Variants in TYMP observed in about 807,000 individuals in gnomAD.
TYMP encodes the protein thymidine phosphorylase, also known as gliostatin.
Under a neutral mutation model 42.3 loss-of-function variants are expected in TYMP, and 46 were observed. That is an observed-to-expected ratio of 1.09 (90% CI 0.86 to 1.39). The LOEUF (loss-of-function observed/expected upper bound fraction) is 1.39. TYMP is among the 40% of genes most tolerant of loss of function. The pLI is 0.00. For synonymous variants in TYMP, 363 were observed against 308.0 expected, an observed-to-expected ratio of 1.18 and a Z score of -1.87; for missense variants, 837 against 677.6, an observed-to-expected ratio of 1.24 and a Z score of -2.61.
Position 50,525,995 on chromosome 22 carries a change from G to A in TYMP, c.1300+6C>T. On this transcript the variant is annotated splice_donor_region_variant and intron_variant, in intron 9 of 9. Transcript: ENST00000252029. ...GCGGGGCCAGCAGGGCGGGGGCGGC[G>A]CTCACCACGGCGCAGCCTCTGACCC... 1.4e-6 allele frequency: 2 copies of A among 1,415,794 alleles called. No homozygotes were observed. Among genetic ancestry groups the A allele is most frequent in the Non-Finnish European group, 1.8e-6 (2 of 1,090,638 alleles). 87.7% of individuals were successfully genotyped at this position (1,415,794 alleles called of 1,614,324 possible). A position where few individuals can be genotyped will look rare whatever the true frequency, so the allele number is the denominator to read the frequency against.
Position 50,526,228 on chromosome 22 carries a change from G to T in TYMP, c.1159+18C>A, listed in dbSNP as rs753582974. ...GGGATGGCGGAGGCGGAAGGACGGGGACTCCCCCGACGCTCACCATCTGCG... is the reference window on the plus strand; with the variant it reads ...GGGATGGCGGAGGCGGAAGGACGGGTACTCCCCCGACGCTCACCATCTGCG... On this transcript the variant is annotated intron_variant, in intron 8 of 9. Coordinates refer to ENST00000252029, the MANE Select transcript of TYMP (RefSeq NM_001953.5). 390 of 1,520,956 alleles carry T rather than the reference G, an allele frequency of 2.6e-4. No homozygotes were observed. The highest frequency in any genetic ancestry group is 3.2e-4 in the Non-Finnish European group (370 of 1,142,092). The allele number at this position is 1,520,956 out of a possible 1,614,324, so 94.2% of individuals were successfully genotyped here.
At chr22:50,529,880 T>A (rs2069529661) in intron 1 of TYMP, 24 bp downstream of exon 1, 1 of 671,052 alleles carries the variant, frequency 1.5e-6, no homozygotes, top group Non-Finnish European at 2.5e-6. Context: ...CTTCCCCGCC[T>A]CGCGACTTGA....
Position 50,526,156 on chromosome 22 carries a change from G to A in TYMP, c.1160-15C>T, listed in dbSNP as rs778417597. The A allele has an allele frequency of 2.0e-6, 3 of 1,474,858 alleles. No individual in the cohort carries two copies. The highest frequency in any genetic ancestry group is 2.0e-4 in the Middle Eastern group (1 of 5,042). 91.4% of individuals were successfully genotyped at this position (1,474,858 alleles called of 1,614,324 possible). ...CTCCACGGTGCCTGCGGGGAGAGGG[G>A]CTGAGAGGCGCGGGCTCGGGAAGGG... is the stretch of plus-strand genomic sequence containing the variant. On this transcript the variant is annotated splice_polypyrimidine_tract_variant and intron_variant, in intron 8 of 9. Transcript: ENST00000252029.
chr22:50,527,361 G>T, intron 5 of TYMP, 78 bp from the exon 6 acceptor site: 1 of 1,362,790 alleles, frequency 7.3e-7, no homozygotes, highest in Non-Finnish European at 1.0e-6. Flanking sequence ...GCCGACTTTG[G>T]GGTCAGGGGC....
Position 50,528,524 on chromosome 22 carries a change from C to T in TYMP, c.504G>A (p.Gln168=), listed in dbSNP as rs745546119. Reference sequence around the variant, plus strand: ...TGGCGCCCCGTACCTGCTCTGGGCTCTGGATGACATTGAATCCAGGAATAG... The same window carrying T: ...TGGCGCCCCGTACCTGCTCTGGGCTTTGGATGACATTGAATCCAGGAATAG... ...LESIPGFNVI[Q]SPEQMQVLLD... The change falls in exon 4 of 10, where the codon CAG becomes CAA. Residue 168 remains glutamine (Q), a synonymous_variant. Coordinates refer to ENST00000252029, the MANE Select transcript of TYMP (RefSeq NM_001953.5). The T allele has an allele frequency of 6.2e-7, 1 of 1,613,928 alleles. No individual in the cohort carries two copies. The highest frequency in any genetic ancestry group is 1.1e-5 in the South Asian group (1 of 91,074).
intron 6 of TYMP, 31 bp from the exon 7 acceptor site, chr22:50,526,769 C>T: frequency 6.5e-7 from 1 of 1,529,690 alleles, no homozygotes; most frequent in Non-Finnish European, 8.7e-7. Context: ...GTGGACCCCC[C>T]ATGGCGGGGC....
chr22:50,529,876 C>T (rs376220309), intron 1 of TYMP, 28 bp downstream of exon 1: 22 of 677,328 alleles, frequency 3.2e-5, no homozygotes, highest in South Asian at 3.2e-4. Context: ...CCCGCTTCCC[C>T]GCCTCGCGAC....
At chr22:50,526,954 G>A (rs966435614) in intron 6 of TYMP, among the ~76,000 whole-genome samples, 10 of 152,206 alleles carry the variant, frequency 6.6e-5, no homozygotes, top group Non-Finnish European at 1.5e-4. Flanking sequence ...CGCCACAGAG[G>A]GCTTCCCCAG....
chr22:50,529,765 CG>C, intron 1 of TYMP, 46 bp from the exon 2 acceptor site: 1 of 1,535,782 alleles, frequency 6.5e-7, no homozygotes, highest in South Asian at 1.2e-5. Context: ...CTCCCGGCGT[CG>C]GTGTCTGAGC....
chr22:50,526,850 G>A (rs993321377), intron 6 of TYMP, 112 bp from the exon 7 acceptor site: 4 of 1,147,940 alleles, frequency 3.5e-6, no homozygotes, highest in African/African-American at 3.1e-5. Flanking sequence ...CCAGCATGAA[G>A]TCAGGGAAGG....
Position 50,526,158 on chromosome 22 carries a change from T to C in TYMP, c.1160-17A>G, listed in dbSNP as rs1414846697. On this transcript the variant is annotated splice_polypyrimidine_tract_variant and intron_variant, in intron 8 of 9. Coordinates refer to ENST00000252029, the MANE Select transcript of TYMP (RefSeq NM_001953.5). ...CCACGGTGCCTGCGGGGAGAGGGGC[T>C]GAGAGGCGCGGGCTCGGGAAGGGGC... is the stretch of plus-strand genomic sequence containing the variant. 8 of 1,475,626 alleles carry C rather than the reference T, an allele frequency of 5.4e-6. No homozygotes were observed. Among genetic ancestry groups the C allele is most frequent in the South Asian group, 2.6e-5 (2 of 76,972 alleles). The allele number at this position is 1,475,626 out of a possible 1,614,324, so 91.4% of individuals were successfully genotyped here.
In TYMP at chr22:50,527,768, C is replaced by CTT. The variant is rs131803; in HGVS notation, c.517-53_517-52dup. 1.4e-3 allele frequency: 1,731 copies of CTT among 1,225,532 alleles called. 2 individuals are homozygous for CTT. Among genetic ancestry groups the CTT allele is most frequent in the African/African-American group, 2.1e-3 (99 of 47,066 alleles). 75.9% of individuals were successfully genotyped at this position (1,225,532 alleles called of 1,614,324 possible). On this transcript the variant is annotated intron_variant, in intron 4 of 9. Coordinates refer to ENST00000252029, the MANE Select transcript of TYMP (RefSeq NM_001953.5). ...TGACTTATGGTAAATGACTTAGCAGCTTTTTTTTTTTTTTTTTTTTTTTCT... is the reference window on the plus strand; with the variant it reads ...TGACTTATGGTAAATGACTTAGCAGCTTTTTTTTTTTTTTTTTTTTTTTTTCT...
rs1378258435 is a variant in TYMP, at chr22:50,526,076, T to TGCGCCCGGCC, written c.1215_1224dup (p.Ser409GlyfsTer?). 6.7e-7 allele frequency: 1 copy of TGCGCCCGGCC among 1,484,038 alleles called. No individual in the cohort carries two copies. The highest frequency in any genetic ancestry group is 8.9e-7 in the Non-Finnish European group (1 of 1,125,116). The allele number at this position is 1,484,038 out of a possible 1,614,324, so 91.9% of individuals were successfully genotyped here. On this transcript the variant is annotated frameshift_variant, in exon 9 of 10. Transcript: ENST00000252029. LOFTEE classifies it high-confidence loss of function. The stretch of plus-strand genomic sequence containing the variant: ...AGGCGGAGCGGCTCCCCAGCGCGGC[T>TGCGCCCGGCC]GCGCCCGGCCCCGAGCTCGTGCAGC...
chr22:50,529,068 G>C, intron 3 of TYMP, 68 bp downstream of exon 3: 1 of 1,531,822 alleles, frequency 6.5e-7, no homozygotes, highest in Non-Finnish European at 9.0e-7. Context: ...GTTGGGAGCT[G>C]CCTGTGGATG....
rs781031701 is a variant in TYMP at position 50,526,070 on chromosome 22, C to T, written c.1231G>A (p.Ala411Thr). The change falls in exon 9 of 10, where the codon GCT becomes ACT. Residue 411 changes from alanine to threonine, a missense_variant. By Grantham distance (58) the Ala-to-Thr change is moderately conservative (BLOSUM62 0). Coordinates refer to ENST00000252029, the MANE Select transcript of TYMP (RefSeq NM_001953.5). ...ACCCCCAGGCGGAGCGGCTCCCCAG[C>T]GCGGCTGCGCCCGGCCCCGAGCTCG... is the stretch of plus-strand genomic sequence containing the variant. The part of the protein sequence containing the change: ...LHELGAGRSR[A>T]GEPLRLGVGA... 1.3e-6 allele frequency: 2 copies of T among 1,483,920 alleles called. No individual in the cohort carries two copies. The highest frequency in any genetic ancestry group is 2.5e-5 in the South Asian group (2 of 78,702). The allele number at this position is 1,483,920 out of a possible 1,614,324, so 91.9% of individuals were successfully genotyped here. A position where few individuals can be genotyped will look rare whatever the true frequency, so the allele number is the denominator to read the frequency against.
In TYMP at chr22:50,527,624, C is replaced by T; in HGVS notation, c.610G>A (p.Val204Met). 4 of 1,613,940 alleles carry T rather than the reference C, an allele frequency of 2.5e-6. No homozygotes were observed. The highest frequency in any genetic ancestry group is 2.5e-6 in the Non-Finnish European group (3 of 1,180,026). The change falls in exon 5 of 10, where the codon GTG becomes ATG. Residue 204 changes from valine to methionine, a missense_variant. By Grantham distance (21) the Val-to-Met change is conservative. Transcript: ENST00000252029. The stretch of plus-strand genomic sequence containing the variant: ...GGCAGGCTGTCCACGGTGGCTGTCA[C>T]ATCTCTGGCTGCATATAGGATTCCG... ...ADGILYAARD[V>M]TATVDSLPLI...
intron 6 of TYMP, 114 bp from the exon 7 acceptor site, chr22:50,526,852 C>T: frequency 8.7e-7 from 1 of 1,149,490 alleles, no homozygotes; most frequent in Non-Finnish European, 1.2e-6. Flanking sequence ...AGCATGAAGT[C>T]AGGGAAGGAT....
Position 50,529,612 on chromosome 22 carries a change from G to A in TYMP, c.98C>T (p.Pro33Leu). Reference sequence around the variant, plus strand: ...GCGGATCAGCTCCGGGAGCTGCTTGGGCTCTGGCGAAGGGTCGGGAAGTCC... The same window carrying A: ...GCGGATCAGCTCCGGGAGCTGCTTGAGCTCTGGCGAAGGGTCGGGAAGTCC... ...SQGLPDPSPEPKQLPELIRMK... is the reference protein window; with the variant it reads ...SQGLPDPSPELKQLPELIRMK... Residue 33 changes from proline to leucine, a missense_variant, in exon 2 of 10, where the codon CCC (proline) becomes CTC (leucine). Transcript: ENST00000252029. The A allele has an allele frequency of 6.2e-7, 1 of 1,612,984 alleles. No homozygotes were observed. Among genetic ancestry groups the A allele is most frequent in the Non-Finnish European group, 8.5e-7 (1 of 1,179,870 alleles).
Position 50,528,961 on chromosome 22 carries a change from A to G in TYMP, c.417+175T>C, listed in dbSNP as rs1483944508. On this transcript the variant is annotated intron_variant, in intron 3 of 9. Transcript: ENST00000252029. ...CTGGTCTGGAGCCAGAGGGGCCCCA[A>G]GCGCTGTGCTGGGGAACGGGGTGGG... 14 of 740,710 alleles carry G rather than the reference A, an allele frequency of 1.9e-5. No individual in the cohort carries two copies. In the Admixed American group the frequency reaches 2.7e-4, roughly 14 times the overall value. The allele number at this position is 740,710 out of a possible 1,614,324, so 45.9% of individuals were successfully genotyped here.
Sources: allele counts gnomAD v4.1 joint callset (sites outside exome capture counted in the v4.1 genomes callset), GRCh38; gene constraint gnomAD v4.1.1; transcripts MANE v1.5; gene names NCBI Gene and HGNC (gene_info 2026-07-23, HGNC 2026-07-21).